PRKG1: variants seen among roughly 807,000 people sequenced by gnomAD.
The protein encoded by PRKG1 is cGMP-dependent protein kinase 1.
PRKG1 carries 35 observed loss-of-function variants against 88.1 expected under a neutral mutation model. That is an observed-to-expected ratio of 0.40 (90% CI 0.30 to 0.53). The LOEUF (loss-of-function observed/expected upper bound fraction) is 0.53, where lower values mean the gene tolerates loss of function less well. Ranked by LOEUF, PRKG1 falls within the 20% of genes least tolerant of loss-of-function variation. The probability of loss-of-function intolerance (pLI) is 0.59; values close to 1 mark genes in which losing one functional copy is unlikely to be tolerated. For missense variants in PRKG1, 540 were observed against 839.8 expected (o/e 0.64, Z 4.41); for synonymous variants, 303 against 292.5 (o/e 1.04, Z -0.37).
intron 2 of PRKG1, among the ~76,000 whole-genome samples, chr10:51,265,490 C>A (rs934995158): frequency 9.2e-5 from 14 of 151,904 alleles, no homozygotes; most frequent in African/African-American, 3.4e-4. Context: ...ATCTGGCAAC[C>A]CCCTTAATGT....
At chr10:51,189,602 GTTGT>G (rs752282363) in intron 2 of PRKG1, among the ~76,000 whole-genome samples, 1 of 151,900 alleles carries the variant, frequency 6.6e-6, no homozygotes, top group Non-Finnish European at 1.5e-5. Flanking sequence ...CTGTGTCCCA[GTTGT>G]TTGTTTATTC....
chr10:51,912,342 T>C (rs1329392423), intron 5 of PRKG1, among the ~76,000 whole-genome samples: 1 of 152,156 alleles, frequency 6.6e-6, no homozygotes, highest in African/African-American at 2.4e-5. Context: ...GGGAGATTTT[T>C]ATGGTTGTAA....
chr10:52,023,354 T>C (rs1284017750), intron 5 of PRKG1, among the ~76,000 whole-genome samples: 1 of 152,256 alleles, frequency 6.6e-6, no homozygotes, highest in East Asian at 1.9e-4. Flanking sequence ...TTTGCTATTG[T>C]GAACAGTGCC....
intron 3 of PRKG1, among the ~76,000 whole-genome samples, chr10:51,596,606 T>C (rs1354888777): frequency 6.6e-6 from 1 of 152,136 alleles, no homozygotes; most frequent in African/African-American, 2.4e-5. Context: ...TATTTCTCAG[T>C]AGGTTTATGG....
intron 5 of PRKG1, among the ~76,000 whole-genome samples, chr10:51,948,783 T>A (rs1217711924): frequency 6.6e-6 from 1 of 152,152 alleles, no homozygotes; most frequent in African/African-American, 2.4e-5. Flanking sequence ...GGTCACATAG[T>A]CTGGAAATAG....
intron 2 of PRKG1, among the ~76,000 whole-genome samples, chr10:51,168,369 C>T (rs900019135): frequency 1.3e-5 from 2 of 151,962 alleles, no homozygotes; most frequent in African/African-American, 4.8e-5. Flanking sequence ...CAATGGCATG[C>T]TTTGTATTAA....
chr10:52,238,628 C>T (rs1262343220), intron 9 of PRKG1, among the ~76,000 whole-genome samples: 1 of 149,816 alleles, frequency 6.7e-6, no homozygotes, highest in Non-Finnish European at 1.5e-5. Flanking sequence ...GAAATACCAT[C>T]TCACACCAGT....
At position 51,791,562 on chromosome 10, in the gene PRKG1, C is replaced by T. The variant is rs562504155; in HGVS notation, c.593-13023C>T. Reference sequence around the variant, plus strand: ...ACCCAGTCATTTATTTAATCCGAAACATCTGCTGAACACTTTAGAACTATC... The same window carrying T: ...ACCCAGTCATTTATTTAATCCGAAATATCTGCTGAACACTTTAGAACTATC... On this transcript the variant is annotated intron_variant, in intron 3 of 17. Coordinates refer to ENST00000373980, the MANE Select transcript of PRKG1 (RefSeq NM_006258.4). 5.9e-5 allele frequency among the ~76,000 whole-genome samples: 9 copies of T among 152,156 alleles called. No homozygotes were observed. In the South Asian group the frequency reaches 1.5e-3, roughly 25 times the overall value.
chr10:52,049,801 T>C (rs1845943976), intron 5 of PRKG1, among the ~76,000 whole-genome samples: 1 of 152,110 alleles, frequency 6.6e-6, no homozygotes, highest in Non-Finnish European at 1.5e-5. Flanking sequence ...ACCTCATTTG[T>C]GCAATTAGTT....
intron 2 of PRKG1, among the ~76,000 whole-genome samples, chr10:51,214,604 C>T (rs1441814234): frequency 6.6e-6 from 1 of 151,980 alleles, no homozygotes; most frequent in Non-Finnish European, 1.5e-5. Context: ...ACCTCTACTT[C>T]CTATCTGGGG....
intron 5 of PRKG1, among the ~76,000 whole-genome samples, chr10:52,015,469 A>T (rs771874187): frequency 9.9e-5 from 15 of 152,088 alleles, no homozygotes; most frequent in Admixed American, 2.0e-4. Context: ...TCCCATCTAG[A>T]TCTCCAGACC....
chr10:52,105,982 C>G (rs1847411657), intron 7 of PRKG1, among the ~76,000 whole-genome samples: 1 of 152,140 alleles, frequency 6.6e-6, no homozygotes, highest in Admixed American at 6.5e-5. Context: ...TCCCACTCTT[C>G]CCACTGAGTC....
At chr10:51,871,138 A>G (rs1276510299) in intron 4 of PRKG1, among the ~76,000 whole-genome samples, 1 of 152,176 alleles carries the variant, frequency 6.6e-6, no homozygotes, top group Admixed American at 6.5e-5. Flanking sequence ...TTTGTGGGTC[A>G]TTTAATTGAT....
chr10:52,127,152 G>C (rs1411442371), intron 7 of PRKG1, among the ~76,000 whole-genome samples: 4 of 151,946 alleles, frequency 2.6e-5, no homozygotes, highest in Middle Eastern at 3.2e-3. Context: ...GACAGAGATA[G>C]AACCAATATG....
chr10:51,700,582 C>T (rs1034850488), intron 3 of PRKG1, among the ~76,000 whole-genome samples: 2 of 152,026 alleles, frequency 1.3e-5, no homozygotes, highest in Non-Finnish European at 2.9e-5. Context: ...GGTGTTTCCC[C>T]GCCTGCAATT....
At chr10:52,085,546 T>C (rs1021628961) in intron 7 of PRKG1, among the ~76,000 whole-genome samples, 1 of 152,144 alleles carries the variant, frequency 6.6e-6, no homozygotes, top group Non-Finnish European at 1.5e-5. Flanking sequence ...TCATTTTTTT[T>C]CCTCATGAGC....
chr10:51,218,530 T>TATAA (rs1426770954), intron 2 of PRKG1, among the ~76,000 whole-genome samples: 7 of 62,568 alleles, frequency 1.1e-4, no homozygotes, highest in South Asian at 4.5e-4. Context: ...TATATATATA[T>TATAA]AAAATGTGTG....
chr10:51,844,644 A>C (rs1840356578), intron 4 of PRKG1, among the ~76,000 whole-genome samples: 2 of 152,194 alleles, frequency 1.3e-5, no homozygotes, highest in Admixed American at 1.3e-4. Context: ...TTCTGGCAGC[A>C]AGAATAGATG....
At chr10:51,444,749 A>G (rs293252) in intron 2 of PRKG1, among the ~76,000 whole-genome samples, 92,445 of 151,672 alleles carry the variant, frequency 0.61, 29,034 homozygotes, top group Middle Eastern at 0.67. Context: ...TCATGCTTCT[A>G]TAATGCATTA....
Sources: gnomAD v4.1 joint callset for allele counts (sites outside exome capture counted in the v4.1 genomes callset) on GRCh38, gnomAD v4.1.1 for gene constraint, MANE v1.5 for transcripts, NCBI Gene and HGNC (gene_info 2026-07-23, HGNC 2026-07-21) for gene names.